Variants in RAD51B observed in about 807,000 individuals in gnomAD.
RAD51B encodes DNA repair protein RAD51 homolog 2.
Under a neutral mutation model 42.2 loss-of-function variants are expected in RAD51B, and 38 were observed. The ratio of observed to expected loss-of-function variants is 0.90; its 90% confidence interval spans 0.70 to 1.18. RAD51B has a LOEUF of 1.18. Among genes scored for constraint, RAD51B ranks in the 50% most tolerant of loss-of-function variants. The pLI is 0.00. For missense variants in RAD51B, 373 were observed against 400.7 expected (o/e 0.93, Z 0.59); for synonymous variants, 154 against 145.2 (o/e 1.06, Z -0.43).
chr14:68,491,560 A>G (rs1299331581), intron 10 of RAD51B, among the ~76,000 whole-genome samples: 2 of 152,184 alleles, frequency 1.3e-5, no homozygotes, highest in Non-Finnish European at 2.9e-5. Flanking sequence ...ATGAAAGCCC[A>G]TGGACACTGT....
intron 10 of RAD51B, among the ~76,000 whole-genome samples, chr14:68,559,080 A>G (rs868704991): frequency 1.3e-5 from 2 of 151,788 alleles, no homozygotes; most frequent in African/African-American, 4.8e-5. Context: ...ATATAAAAAT[A>G]CCTGTGATTT....
At chr14:68,056,161 C>G (rs983472342) in intron 7 of RAD51B, among the ~76,000 whole-genome samples, 3 of 151,950 alleles carry the variant, frequency 2.0e-5, no homozygotes, top group Non-Finnish European at 4.4e-5. Context: ...GAAAAGTTTT[C>G]TTTTGTTTTG....
At chr14:68,662,683 CA>C in intron 11 of RAD51B, among the ~76,000 whole-genome samples, 1 of 152,286 alleles carries the variant, frequency 6.6e-6, no homozygotes. Flanking sequence ...CTCCTCCCTC[CA>C]AAAAAGTACA....
intron 10 of RAD51B, among the ~76,000 whole-genome samples, chr14:68,484,359 C>CTTTTTTTTT (rs10665607): frequency 7.7e-5 from 10 of 130,162 alleles, no homozygotes; most frequent in African/African-American, 2.7e-4. Flanking sequence ...CTTTCTTTTT[C>CTTTTTTTTT]TTTTTTTTTT....
chr14:67,985,060 C>T (rs2075160140), intron 7 of RAD51B, among the ~76,000 whole-genome samples: 1 of 152,108 alleles, frequency 6.6e-6, no homozygotes, highest in Non-Finnish European at 1.5e-5. Context: ...AGATAATTTC[C>T]AAGGTCTTTT....
At chr14:67,841,439 C>A (rs2041423906) in intron 4 of RAD51B, among the ~76,000 whole-genome samples, 1 of 152,050 alleles carries the variant, frequency 6.6e-6, no homozygotes. Context: ...TACCACTTGT[C>A]AATTTTTGTT....
At chr14:68,062,814 C>CAAA (rs962527138) in intron 7 of RAD51B, among the ~76,000 whole-genome samples, 1 of 39,746 alleles carries the variant, frequency 2.5e-5, no homozygotes, top group Non-Finnish European at 5.4e-5. Flanking sequence ...GACTCTGTGA[C>CAAA]AAAAAAAAAA....
intron 7 of RAD51B, among the ~76,000 whole-genome samples, chr14:68,210,207 C>G (rs1359463584): frequency 6.6e-6 from 1 of 152,114 alleles, no homozygotes; most frequent in Non-Finnish European, 1.5e-5. Flanking sequence ...TAATCACCTG[C>G]CTCAGCCTCC....
intron 11 of RAD51B, among the ~76,000 whole-genome samples, chr14:68,670,744 A>C (rs979173740): frequency 6.6e-6 from 1 of 152,182 alleles, no homozygotes; most frequent in Non-Finnish European, 1.5e-5. Context: ...GGAAAAACTT[A>C]AGTTTGCCAG....
chr14:68,127,939 A>G (rs543557933), intron 7 of RAD51B, among the ~76,000 whole-genome samples: 1 of 152,332 alleles, frequency 6.6e-6, no homozygotes, highest in East Asian at 1.9e-4. Flanking sequence ...TATACCTTCT[A>G]TGCTGAGGTT....
At chr14:68,236,804 C>T (rs1315303648) in intron 7 of RAD51B, among the ~76,000 whole-genome samples, 2 of 152,184 alleles carry the variant, frequency 1.3e-5, no homozygotes, top group Non-Finnish European at 2.9e-5. Context: ...ACATGTACTC[C>T]TGCTCAGCTT....
At chr14:68,621,927 C>T (rs975954399) in intron 10 of RAD51B, among the ~76,000 whole-genome samples, 3 of 152,214 alleles carry the variant, frequency 2.0e-5, no homozygotes, top group African/African-American at 7.2e-5. Context: ...ACGCCACTCC[C>T]CTTTCCCATG....
In RAD51B at chr14:68,637,643, G is replaced by A. The variant is rs138607130; in HGVS notation, c.1037-13138G>A. 6.4e-3 allele frequency among the ~76,000 whole-genome samples: 970 copies of A among 152,336 alleles called. 4 individuals carry two copies. The highest frequency in any genetic ancestry group is 0.011 in the Non-Finnish European group (766 of 68,032). On this transcript the variant is annotated intron_variant, in intron 10 of 11. Coordinates refer to the RAD51B transcript ENST00000488612. ...AACATTTGGATCCCATTGGTGATGA[G>A]AGACATGTGGGCCCGGCAAGGAGAC... is the stretch of plus-strand genomic sequence containing the variant.
chr14:67,899,055 T>C (rs549104230), intron 7 of RAD51B, among the ~76,000 whole-genome samples: 1 of 152,262 alleles, frequency 6.6e-6, no homozygotes, highest in East Asian at 1.9e-4. Flanking sequence ...TTTTTTTTCT[T>C]TTTTTGAGTC....
intron 10 of RAD51B, among the ~76,000 whole-genome samples, chr14:68,573,538 A>G (rs772455995): frequency 1.1e-4 from 16 of 151,976 alleles, no homozygotes; most frequent in Non-Finnish European, 2.1e-4. Context: ...TATCCCCCTT[A>G]CCTGGCTTTA....
chr14:68,193,666 T>G (rs2140909769), intron 7 of RAD51B, among the ~76,000 whole-genome samples: 1 of 152,350 alleles, frequency 6.6e-6, no homozygotes, highest in Non-Finnish European at 1.5e-5. Flanking sequence ...TTTTCAAAGA[T>G]ACTCAAAATT....
chr14:68,282,159 T>C (rs1250327997), intron 7 of RAD51B, among the ~76,000 whole-genome samples: 1 of 152,074 alleles, frequency 6.6e-6, no homozygotes, highest in African/African-American at 2.4e-5. Context: ...TTTTTTGTAG[T>C]TTTAGTAGAG....
intron 5 of RAD51B, among the ~76,000 whole-genome samples, chr14:67,868,357 C>T (rs572474887): frequency 1.7e-4 from 26 of 152,332 alleles, no homozygotes; most frequent in African/African-American, 3.1e-4. Context: ...CACTCCCACC[C>T]GAATACTGTG....
intron 10 of RAD51B, among the ~76,000 whole-genome samples, chr14:68,603,674 T>C (rs1427137254): frequency 6.6e-6 from 1 of 152,208 alleles, no homozygotes; most frequent in Admixed American, 6.5e-5. Flanking sequence ...TTTAATTCTG[T>C]TGAAGTGTCA....
Sources: gnomAD v4.1 joint callset for allele counts (sites outside exome capture counted in the v4.1 genomes callset) on GRCh38, gnomAD v4.1.1 for gene constraint, MANE v1.5 for transcripts, NCBI Gene and HGNC (gene_info 2026-07-23, HGNC 2026-07-21) for gene names.